FSHR: variants seen among roughly 807,000 people sequenced by gnomAD.
The protein encoded by FSHR is follicle stimulating hormone receptor.
In FSHR, 46 loss-of-function variants were observed where a neutral mutation model predicts 52.1. That is an observed-to-expected ratio of 0.88 (90% CI 0.70 to 1.13). The LOEUF is 1.13. Among genes scored for constraint, FSHR ranks in the 50% most tolerant of loss-of-function variants. The probability of loss-of-function intolerance (pLI) is 0.00; values close to 1 mark genes in which losing one functional copy is unlikely to be tolerated. For synonymous variants in FSHR, 399 were observed against 309.6 expected (o/e 1.29, Z -3.03); for missense variants, 964 against 834.6 (o/e 1.16, Z -1.91).
At chr2:49,056,445 AATATATATAT>A (rs70946848) in intron 2 of FSHR, among the ~76,000 whole-genome samples, 1,618 of 128,450 alleles carry the variant, frequency 0.013, 19 homozygotes, top group African/African-American at 0.021. Context: ...TTACAATTGG[AATATATATAT>A]ATATATATAT....
At chr2:49,139,764 A>C (rs963510177) in intron 1 of FSHR, among the ~76,000 whole-genome samples, 1 of 151,808 alleles carries the variant, frequency 6.6e-6, no homozygotes, top group Non-Finnish European at 1.5e-5. Context: ...TGCCCGGCTA[A>C]CTTTTTGTAT....
chr2:49,099,617 G>A (rs1670950665), intron 1 of FSHR, among the ~76,000 whole-genome samples: 2 of 152,050 alleles, frequency 1.3e-5, no homozygotes, highest in Non-Finnish European at 2.9e-5. Flanking sequence ...TATGACTGAT[G>A]TCTATATAAA....
At chr2:48,979,218 G>T (rs1466801162) in intron 8 of FSHR, among the ~76,000 whole-genome samples, 1 of 152,042 alleles carries the variant, frequency 6.6e-6, no homozygotes, top group African/African-American at 2.4e-5. Context: ...TCCAAGGCAG[G>T]AGAATAACTT....
chr2:49,136,324 A>C (rs1046307284), intron 1 of FSHR, among the ~76,000 whole-genome samples: 4 of 152,120 alleles, frequency 2.6e-5, no homozygotes, highest in African/African-American at 9.7e-5. Flanking sequence ...AAGAAGAAAT[A>C]TATAATATAA....
At chr2:49,032,697 C>T (rs1668141658) in intron 2 of FSHR, among the ~76,000 whole-genome samples, 1 of 152,062 alleles carries the variant, frequency 6.6e-6, no homozygotes, top group Admixed American at 6.5e-5. Context: ...AGGTGATTTA[C>T]CCAAGGCCAC....
rs1553344384 is a variant in FSHR, at chr2:49,093,595, C to CCTTT, written c.153-25306_153-25305insAAAG. Among the ~76,000 whole-genome samples, 26 of 132,940 alleles carry CCTTT rather than the reference C, an allele frequency of 2.0e-4. 1 individual carries two copies. The highest frequency in any genetic ancestry group is 6.6e-4 in the East Asian group (3 of 4,578). The allele number at this position is 132,940 out of a possible 152,430, so 87.2% of individuals were successfully genotyped here. ...AGCCTTTCTAAAACATTATATTTAT[C>CCTTT]TTTTTTTTTTTTTTTTTGAGACGGA... On this transcript the variant is annotated intron_variant, in intron 1 of 9. Transcript: ENST00000406846.
chr2:49,078,187 C>A (rs1344342670), intron 1 of FSHR, among the ~76,000 whole-genome samples: 1 of 152,196 alleles, frequency 6.6e-6, no homozygotes, highest in Non-Finnish European at 1.5e-5. Flanking sequence ...GCTGAGGAGG[C>A]CTCACAATCA....
At chr2:49,100,551 C>G (rs537978780) in intron 1 of FSHR, among the ~76,000 whole-genome samples, 80 of 152,266 alleles carry the variant, frequency 5.3e-4, no homozygotes, top group African/African-American at 1.8e-3. Flanking sequence ...TCCCAAAACC[C>G]TTACCCAATC....
In FSHR at chr2:49,075,048, C is replaced by T. The variant is rs11125208; in HGVS notation, c.153-6758G>A. Among the ~76,000 whole-genome samples, 96 of 151,540 alleles carry T rather than the reference C, an allele frequency of 6.3e-4. 2 individuals are homozygous for T. The East Asian group carries it at 0.016, about 25-fold the overall frequency. On this transcript the variant is annotated intron_variant, in intron 1 of 9. Coordinates refer to ENST00000406846, the MANE Select transcript of FSHR (RefSeq NM_000145.4). ...CTAGAGGCTGGGAAGGGTATGGGGA[C>T]GAGAAGGATAAGGAGAGATTTGTTA...
At chr2:49,060,356 CAA>C (rs1669240616) in intron 2 of FSHR, among the ~76,000 whole-genome samples, 1 of 151,834 alleles carries the variant, frequency 6.6e-6, no homozygotes, top group Non-Finnish European at 1.5e-5. Context: ...AAAACAAAAA[CAA>C]AAACTCAGTA....
intron 1 of FSHR, among the ~76,000 whole-genome samples, chr2:49,120,560 G>A (rs891743471): frequency 1.3e-5 from 2 of 152,124 alleles, no homozygotes; most frequent in African/African-American, 4.8e-5. Flanking sequence ...GAATTTGTTG[G>A]TGTAAGTTGC....
At chr2:49,100,591 G>A (rs957433113) in intron 1 of FSHR, among the ~76,000 whole-genome samples, 10 of 152,294 alleles carry the variant, frequency 6.6e-5, no homozygotes, top group Admixed American at 5.2e-4. Context: ...CATGCATGCA[G>A]CACCCATCCT....
chr2:49,031,564 A>G (rs1347219164), intron 2 of FSHR, among the ~76,000 whole-genome samples: 1 of 152,122 alleles, frequency 6.6e-6, no homozygotes, highest in East Asian at 1.9e-4. Flanking sequence ...GATGTTCTTG[A>G]TATGTGATGA....
Position 49,083,793 on chromosome 2 carries a change from A to T in FSHR, c.153-15503T>A, listed in dbSNP as rs894296930. 5.4e-5 allele frequency among the ~76,000 whole-genome samples: 8 copies of T among 146,964 alleles called. 1 individual carries two copies. Among genetic ancestry groups the T allele is most frequent in the African/African-American group, 1.8e-4 (7 of 39,686 alleles). On this transcript the variant is annotated intron_variant, in intron 1 of 9. Coordinates refer to ENST00000406846, the MANE Select transcript of FSHR (RefSeq NM_000145.4). ...AGGGATCAATTCAACAAGAAGAGCT[A>T]ACTATCCTAAATATATATGCACCCA...
At position 48,981,406 on chromosome 2, in the gene FSHR, T is replaced by C. The variant is rs868076515; in HGVS notation, c.668+1506A>G. Among the ~76,000 whole-genome samples the C allele has an allele frequency of 3.3e-5, 5 of 152,228 alleles. No individual in the cohort carries two copies. In the South Asian group the frequency reaches 1.0e-3, roughly 32 times the overall value. On this transcript the variant is annotated intron_variant, in intron 8 of 9. Transcript: ENST00000406846. ...AAATATTTATGTGTGTGTGTGTGTTTTATGCTTCAAATAATATTAGGAAAT... is the reference window on the plus strand; with the variant it reads ...AAATATTTATGTGTGTGTGTGTGTTCTATGCTTCAAATAATATTAGGAAAT...
intron 1 of FSHR, among the ~76,000 whole-genome samples, chr2:49,070,310 T>C (rs1470729936): frequency 6.6e-6 from 1 of 152,190 alleles, no homozygotes; most frequent in African/African-American, 2.4e-5. Context: ...TATTAAGCCA[T>C]TTAAATAAAA....
At chr2:49,133,612 A>G (rs1195004964) in intron 1 of FSHR, among the ~76,000 whole-genome samples, 1 of 152,152 alleles carries the variant, frequency 6.6e-6, no homozygotes. Context: ...CATTGCCAAA[A>G]CAATCCTAAG....
At chr2:48,997,240 T>G (rs1053399186) in intron 4 of FSHR, 7 of 985,120 alleles carry the variant, frequency 7.1e-6, no homozygotes, top group Non-Finnish European at 8.4e-6. Flanking sequence ...TGTGAGACAG[T>G]AGGAAAGCCT....
chr2:48,975,802 G>A (rs866571346), intron 8 of FSHR, among the ~76,000 whole-genome samples: 6 of 152,272 alleles, frequency 3.9e-5, no homozygotes, highest in East Asian at 1.9e-4. Context: ...TATTATTGGT[G>A]TATAGGAATG....
Sources: gnomAD v4.1 joint callset for allele counts (sites outside exome capture counted in the v4.1 genomes callset) on GRCh38, gnomAD v4.1.1 for gene constraint, MANE v1.5 for transcripts, NCBI Gene and HGNC (gene_info 2026-07-23, HGNC 2026-07-21) for gene names.